The following BMPR1B variants were observed in gnomAD, a reference collection of about 807,000 sequenced individuals.
BMPR1B encodes bone morphogenetic protein receptor type-1B.
In BMPR1B, 12 loss-of-function variants were observed where a neutral mutation model predicts 59.1. The observed-to-expected ratio is 0.20, with a 90% confidence interval of 0.13 to 0.33. The LOEUF is 0.33. Among genes scored for constraint, BMPR1B ranks in the 10% least tolerant of loss-of-function variants. The pLI is 1.00. For missense variants in BMPR1B, 550 were observed against 610.9 expected (o/e 0.90, Z 1.05); for synonymous variants, 237 against 207.3 (o/e 1.14, Z -1.23).
At chr4:95,093,690 A>G (rs1730164011) in intron 3 of BMPR1B, among the ~76,000 whole-genome samples, 1 of 152,076 alleles carries the variant, frequency 6.6e-6, no homozygotes, top group Admixed American at 6.6e-5. Context: ...CTGATGTGAA[A>G]ATGTTGAAAA....
At chr4:95,017,602 C>A (rs1264704535) in intron 3 of BMPR1B, among the ~76,000 whole-genome samples, 1 of 152,202 alleles carries the variant, frequency 6.6e-6, no homozygotes, top group Non-Finnish European at 1.5e-5. Context: ...ACAGATGAAT[C>A]TTGGCACTTA....
At chr4:94,895,949 C>T (rs1429183320) in intron 2 of BMPR1B, among the ~76,000 whole-genome samples, 1 of 151,926 alleles carries the variant, frequency 6.6e-6, no homozygotes, top group East Asian at 1.9e-4. Flanking sequence ...CTTCTGGCGA[C>T]ACAAATATAC....
intron 1 of BMPR1B, among the ~76,000 whole-genome samples, chr4:94,827,842 A>G (rs912378047): frequency 2.0e-5 from 3 of 152,238 alleles, no homozygotes; most frequent in African/African-American, 7.2e-5. Context: ...AAAAGTTTTC[A>G]TCGAAGCAGC....
At chr4:95,113,559 G>A (rs1731784969) in intron 4 of BMPR1B, among the ~76,000 whole-genome samples, 1 of 152,074 alleles carries the variant, frequency 6.6e-6, no homozygotes, top group African/African-American at 2.4e-5. Flanking sequence ...CTTGGACGCT[G>A]AGCATGCATA....
At chr4:95,135,441 A>G (rs1211309230) in intron 10 of BMPR1B, among the ~76,000 whole-genome samples, 1 of 152,072 alleles carries the variant, frequency 6.6e-6, no homozygotes, top group Non-Finnish European at 1.5e-5. Flanking sequence ...GAATCTATAA[A>G]TTACCTTGGG....
chr4:95,075,252 G>A (rs1458049424), intron 3 of BMPR1B, among the ~76,000 whole-genome samples: 3 of 152,070 alleles, frequency 2.0e-5, no homozygotes, highest in East Asian at 3.9e-4. Context: ...CTCAGAGTCT[G>A]TATAAAAGGT....
chr4:95,136,874 T>C (rs1313297708), intron 10 of BMPR1B, among the ~76,000 whole-genome samples: 1 of 152,206 alleles, frequency 6.6e-6, no homozygotes. Flanking sequence ...CCTGGATTCA[T>C]TGATTTTTTG....
chr4:95,103,105 A>G lies in BMPR1B; in HGVS notation c.-17-1303A>G, dbSNP rs554139148. On this transcript the variant is annotated intron_variant, in intron 3 of 12. Coordinates refer to ENST00000515059, the MANE Select transcript of BMPR1B (RefSeq NM_001203.3). ...AATTTGAATAATCTAATGAAATATT[A>G]TAGTTAATAGAGAGAAAATTCTGAT... is the stretch of plus-strand genomic sequence containing the variant. Among the ~76,000 whole-genome samples the G allele has an allele frequency of 2.0e-3, 298 of 152,262 alleles. 1 individual carries two copies. The highest frequency in any genetic ancestry group is 0.01 in the Middle Eastern group (3 of 294).
intron 1 of BMPR1B, among the ~76,000 whole-genome samples, chr4:94,767,518 C>G (rs1370777880): frequency 6.6e-6 from 1 of 152,160 alleles, no homozygotes; most frequent in Admixed American, 6.5e-5. Context: ...CCTTATTCAA[C>G]AGCTTTGAAT....
intron 1 of BMPR1B, among the ~76,000 whole-genome samples, chr4:94,874,510 ATATTT>A (rs1346000640): frequency 1.3e-5 from 2 of 152,136 alleles, no homozygotes; most frequent in Non-Finnish European, 2.9e-5. Flanking sequence ...ATAGAAAAAT[ATATTT>A]TATATCAATT....
At chr4:95,053,513 A>G (rs998954772) in intron 3 of BMPR1B, among the ~76,000 whole-genome samples, 1 of 152,106 alleles carries the variant, frequency 6.6e-6, no homozygotes, top group Non-Finnish European at 1.5e-5. Context: ...ATTTACTATC[A>G]ATTTGACTAT....
At chr4:94,936,778 C>G (rs1295488467) in intron 2 of BMPR1B, among the ~76,000 whole-genome samples, 1 of 151,992 alleles carries the variant, frequency 6.6e-6, no homozygotes, top group Non-Finnish European at 1.5e-5. Flanking sequence ...TCCCTTGGCT[C>G]TCTTCTCTTC....
At chr4:94,859,066 C>T (rs17428830) in intron 1 of BMPR1B, among the ~76,000 whole-genome samples, 19,997 of 152,138 alleles carry the variant, frequency 0.13, 1,410 homozygotes, top group African/African-American at 0.15. Context: ...TTTACACTAT[C>T]AGAGGCAGAT....
intron 1 of BMPR1B, among the ~76,000 whole-genome samples, chr4:94,840,233 ATG>A (rs1234158301): frequency 2.0e-5 from 3 of 147,084 alleles, no homozygotes; most frequent in Non-Finnish European, 4.5e-5. Flanking sequence ...TCTGACAATT[ATG>A]TGTCTTGGAG....
intron 2 of BMPR1B, among the ~76,000 whole-genome samples, chr4:94,949,012 T>C (rs894677804): frequency 6.6e-6 from 1 of 152,312 alleles, no homozygotes. Flanking sequence ...CTGGGATACA[T>C]GTGCAGAACA....
At position 94,965,777 on chromosome 4, in the gene BMPR1B, A is replaced by AGAGAGTGTGTGTGTGTGT. The variant is rs149275419; in HGVS notation, c.-112-30262_-112-30261insAGAGTGTGTGTGTGTGTG. ...TGAAAGAGTAAATTGTGTGTGTGAG[A>AGAGAGTGTGTGTGTGTGT]GTGTATGTGTTCTCATGTTTACACA... On this transcript the variant is annotated intron_variant, in intron 2 of 12. Coordinates refer to ENST00000515059, the MANE Select transcript of BMPR1B (RefSeq NM_001203.3). Among the ~76,000 whole-genome samples the AGAGAGTGTGTGTGTGTGT allele has an allele frequency of 7.5e-3, 1,144 of 152,188 alleles. 10 individuals carry two copies. Among genetic ancestry groups the AGAGAGTGTGTGTGTGTGT allele is most frequent in the African/African-American group, 0.026 (1,097 of 41,510 alleles).
intron 3 of BMPR1B, among the ~76,000 whole-genome samples, chr4:95,102,586 GT>G (rs1203252179): frequency 6.6e-6 from 1 of 152,098 alleles, no homozygotes; most frequent in Non-Finnish European, 1.5e-5. Context: ...TGAGAACCAG[GT>G]TTAGAAAGAA....
At chr4:95,084,126 G>T (rs1309084723) in intron 3 of BMPR1B, among the ~76,000 whole-genome samples, 1 of 151,680 alleles carries the variant, frequency 6.6e-6, no homozygotes, top group Non-Finnish European at 1.5e-5. Context: ...TGTAAAAGTG[G>T]ATGTCAGCTT....
At chr4:94,761,306 C>A (rs993531256) in intron 1 of BMPR1B, among the ~76,000 whole-genome samples, 1 of 152,044 alleles carries the variant, frequency 6.6e-6, no homozygotes, top group Non-Finnish European at 1.5e-5. Flanking sequence ...TAAATTATTT[C>A]TATGTGGTAG....
Sources: gnomAD v4.1 joint callset for allele counts (sites outside exome capture counted in the v4.1 genomes callset) on GRCh38, gnomAD v4.1.1 for gene constraint, MANE v1.5 for transcripts, NCBI Gene and HGNC (gene_info 2026-07-23, HGNC 2026-07-21) for gene names.